The following RPH3A variants were observed in gnomAD, a reference collection of about 807,000 sequenced individuals.
RPH3A encodes the protein rabphilin-3A.
In RPH3A, 48 loss-of-function variants were observed where a neutral mutation model predicts 102.2. The observed-to-expected ratio is 0.47, with a 90% CI of 0.37 to 0.60. RPH3A has a LOEUF of 0.60. Among genes scored for constraint, RPH3A ranks in the 20% least tolerant of loss-of-function variants. The probability of loss-of-function intolerance (pLI) is 0.00; values close to 1 mark genes in which losing one functional copy is unlikely to be tolerated. For synonymous variants in RPH3A, 310 were observed against 324.3 expected (o/e 0.96, Z 0.47); for missense variants, 781 against 910.1 (o/e 0.86, Z 1.83).
chr12:112,645,000 G>C (rs2039917689), intron 1 of RPH3A, among the ~76,000 whole-genome samples: 1 of 152,114 alleles, frequency 6.6e-6, no homozygotes, highest in African/African-American at 2.4e-5. Context: ...AGACTCCCAG[G>C]CATTTTATAT....
At chr12:112,776,428 G>A (rs1265750350) in intron 1 of RPH3A, among the ~76,000 whole-genome samples, 2 of 152,156 alleles carry the variant, frequency 1.3e-5, no homozygotes, top group African/African-American at 2.4e-5. Context: ...TGATAGGTTG[G>A]TGAGTCTCTG....
chr12:112,840,654 C>T (rs1385726328), intron 4 of RPH3A, among the ~76,000 whole-genome samples: 1 of 152,178 alleles, frequency 6.6e-6, no homozygotes, highest in Non-Finnish European at 1.5e-5. Flanking sequence ...TGCCCAGAGG[C>T]TTGCATAGGT....
intron 1 of RPH3A, among the ~76,000 whole-genome samples, chr12:112,713,051 C>CTCCTTCTTCTT (rs1555204011): frequency 7.0e-5 from 6 of 85,872 alleles, no homozygotes; most frequent in Non-Finnish European, 8.3e-5. Flanking sequence ...TTCTTCTTCT[C>CTCCTTCTTCTT]CTTCTTCTTC....
At chr12:112,646,694 C>A (rs945126250) in intron 1 of RPH3A, among the ~76,000 whole-genome samples, 1 of 152,234 alleles carries the variant, frequency 6.6e-6, no homozygotes, top group Non-Finnish European at 1.5e-5. Flanking sequence ...TGTCCCCTCT[C>A]TGAGCCTCCA....
At chr12:112,874,904 G>A in intron 10 of RPH3A, 180 bp from the exon 11 acceptor site, 1 of 574,152 alleles carries the variant, frequency 1.7e-6, no homozygotes, top group Non-Finnish European at 3.1e-6. Context: ...CAGAGTCTGA[G>A]TATTGAGAAG....
At position 112,836,480 on chromosome 12, in the gene RPH3A, C is replaced by T; in HGVS notation, c.72-11C>T. 7.5e-7 allele frequency: 1 copy of T among 1,333,150 alleles called. No individual in the cohort carries two copies. The highest frequency in any genetic ancestry group is 1.0e-6 in the Non-Finnish European group (1 of 967,774). 82.6% of individuals were successfully genotyped at this position (1,333,150 alleles called of 1,614,324 possible). A position where few individuals can be genotyped will look rare whatever the true frequency, so the allele number is the denominator to read the frequency against. On this transcript the variant is annotated splice_polypyrimidine_tract_variant and intron_variant, in intron 3 of 21. Coordinates refer to ENST00000389385, the MANE Select transcript of RPH3A (RefSeq NM_001143854.2). ...ATTTTTTCTTTCTCTCCTTTCTCTG[C>T]CTTCCTTCAGTGATAAAGAACAGTG...
intron 1 of RPH3A, among the ~76,000 whole-genome samples, chr12:112,737,336 CA>C (rs1251479627): frequency 6.6e-6 from 1 of 151,956 alleles, no homozygotes; most frequent in Non-Finnish European, 1.5e-5. Flanking sequence ...TCAGTTTCCC[CA>C]CTTGTAAAAT....
rs1338819593 is a variant in RPH3A at position 112,841,715 on chromosome 12, T to TG, written c.83+5213_83+5214insG. On this transcript the variant is annotated intron_variant, in intron 4 of 21. Transcript: ENST00000389385. ...TTTTTTTTGTTTTTTTGGTTTTTTTTTTTTTTCCATTGCATCCTAATATCT... is the reference window on the plus strand; with the variant it reads ...TTTTTTTTGTTTTTTTGGTTTTTTTTGTTTTTTCCATTGCATCCTAATATCT... Among the ~76,000 whole-genome samples the TG allele has an allele frequency of 4.4e-3, 670 of 151,332 alleles. 6 individuals carry two copies. Among genetic ancestry groups the TG allele is most frequent in the African/African-American group, 0.016 (660 of 41,190 alleles).
chr12:112,860,964 T>A (rs1381079004), intron 5 of RPH3A, among the ~76,000 whole-genome samples: 4 of 152,246 alleles, frequency 2.6e-5, no homozygotes, highest in Admixed American at 2.6e-4. Flanking sequence ...GGCATCCTGA[T>A]GTTTAACAGC....
At chr12:112,861,350 A>G (rs917711239) in intron 5 of RPH3A, among the ~76,000 whole-genome samples, 1 of 152,138 alleles carries the variant, frequency 6.6e-6, no homozygotes, top group African/African-American at 2.4e-5. Flanking sequence ...TCTTGTCCCA[A>G]CCTCGGGCAG....
chr12:112,691,408 A>G (rs746826322), intron 1 of RPH3A, among the ~76,000 whole-genome samples: 3 of 152,228 alleles, frequency 2.0e-5, no homozygotes, highest in Non-Finnish European at 2.9e-5. Flanking sequence ...CCACATTTAC[A>G]TGTGCACACC....
intron 1 of RPH3A, among the ~76,000 whole-genome samples, chr12:112,609,301 C>T (rs1837616206): frequency 6.6e-6 from 1 of 152,192 alleles, no homozygotes; most frequent in South Asian, 2.1e-4. Context: ...TGCCTGGCCT[C>T]AAGTGATCCT....
intron 1 of RPH3A, among the ~76,000 whole-genome samples, chr12:112,677,071 T>C (rs76384738): frequency 0.022 from 3,417 of 152,282 alleles, 52 homozygotes; most frequent in Non-Finnish European, 0.033. Flanking sequence ...TATGGATCTG[T>C]AAAAAGATAG....
chr12:112,594,768 G>T (rs1000726232), intron 1 of RPH3A, among the ~76,000 whole-genome samples: 6 of 152,088 alleles, frequency 3.9e-5, no homozygotes, highest in African/African-American at 1.4e-4. Context: ...TATTGTATTG[G>T]TTTTTGTATC....
At chr12:112,807,594 A>T (rs2041494472) in intron 2 of RPH3A, among the ~76,000 whole-genome samples, 1 of 152,134 alleles carries the variant, frequency 6.6e-6, no homozygotes, top group Non-Finnish European at 1.5e-5. Flanking sequence ...CAACTACCTT[A>T]TTGGGTTGTT....
intron 1 of RPH3A, among the ~76,000 whole-genome samples, chr12:112,771,840 T>G (rs2040929559): frequency 1.3e-5 from 2 of 152,196 alleles, no homozygotes; most frequent in Admixed American, 1.3e-4. Flanking sequence ...GAAGTCAGCA[T>G]AGAATAGAAA....
chr12:112,795,524 C>T (rs553043183), intron 2 of RPH3A, among the ~76,000 whole-genome samples: 1 of 152,132 alleles, frequency 6.6e-6, no homozygotes, highest in Non-Finnish European at 1.5e-5. Context: ...CCTTCTTAAC[C>T]AGCCAGGGGC....
At chr12:112,686,280 C>A (rs1429640915) in intron 1 of RPH3A, among the ~76,000 whole-genome samples, 4 of 152,170 alleles carry the variant, frequency 2.6e-5, no homozygotes, top group Non-Finnish European at 5.9e-5. Context: ...TCCCCCTTCT[C>A]TATCACATGT....
At chr12:112,620,945 T>C (rs550263807) in intron 1 of RPH3A, among the ~76,000 whole-genome samples, 3 of 152,310 alleles carry the variant, frequency 2.0e-5, no homozygotes, top group South Asian at 2.1e-4. Flanking sequence ...CTGCCAGTAG[T>C]CTCTGGCCCT....
Sources: gnomAD v4.1 joint callset for allele counts (sites outside exome capture counted in the v4.1 genomes callset) on GRCh38, gnomAD v4.1.1 for gene constraint, MANE v1.5 for transcripts, NCBI Gene and HGNC (gene_info 2026-07-23, HGNC 2026-07-21) for gene names.